ACYP2: variants seen among roughly 807,000 people sequenced by gnomAD.
ACYP2 encodes acylphosphatase-2.
ACYP2 carries 12 observed loss-of-function variants against 11.2 expected under a neutral mutation model. The observed-to-expected ratio is 1.08, with a 90% CI of 0.69 to 1.74. ACYP2 has a LOEUF of 1.74. Among genes scored for constraint, ACYP2 ranks in the 40% most tolerant of loss-of-function variants. The pLI is 0.00. For synonymous variants in ACYP2, 43 were observed against 32.2 expected, an observed-to-expected ratio of 1.33 and a Z score of -1.13; for missense variants, 134 against 101.9, an observed-to-expected ratio of 1.31 and a Z score of -1.35.
chr2:54,213,276 T>G (rs1006814391), intron 6 of ACYP2, among the ~76,000 whole-genome samples: 1 of 152,198 alleles, frequency 6.6e-6, no homozygotes, highest in African/African-American at 2.4e-5. Flanking sequence ...GATTTCACTC[T>G]TTTTTGTGGC....
intron 6 of ACYP2, among the ~76,000 whole-genome samples, chr2:54,239,159 C>G (rs1241586220): frequency 6.6e-6 from 1 of 152,060 alleles, no homozygotes; most frequent in Non-Finnish European, 1.5e-5. Flanking sequence ...AAAGTCTTGA[C>G]TCTGCTAATA....
intron 5 of ACYP2, 33 bp downstream of exon 2, chr2:54,135,502 T>G (rs1235085120): frequency 1.9e-6 from 3 of 1,594,324 alleles, no homozygotes; most frequent in Non-Finnish European, 2.6e-6. Context: ...ATTTTGCTAT[T>G]TTTTTTCCAC....
At position 53,975,897 on chromosome 2, in the gene ACYP2, T is replaced by G. The variant is rs557777721; in HGVS notation, c.62+2087T>G. Among the ~76,000 whole-genome samples the G allele has an allele frequency of 2.0e-5, 3 of 152,298 alleles. No homozygotes were observed. The South Asian group carries it at 6.2e-4, about 32-fold the overall frequency. On this transcript the variant is annotated intron_variant, in intron 2 of 6. Coordinates refer to ENST00000607452, the MANE Select transcript of ACYP2 (RefSeq NM_001320586.2). Reference sequence around the variant, plus strand: ...CCTGGAGGGAGACACTGACTTCTTATCAGACCCTCAAGGAAACAGACTATA... The same window carrying G: ...CCTGGAGGGAGACACTGACTTCTTAGCAGACCCTCAAGGAAACAGACTATA...
intron 6 of ACYP2, among the ~76,000 whole-genome samples, chr2:54,192,961 G>A (rs993459658): frequency 1.4e-4 from 21 of 152,320 alleles, no homozygotes; most frequent in Middle Eastern, 3.4e-3. Flanking sequence ...TACCCTTGAC[G>A]TGGGGATTAT....
chr2:54,096,700 G>A (rs1337131604), intron 4 of ACYP2, among the ~76,000 whole-genome samples: 3 of 152,184 alleles, frequency 2.0e-5, no homozygotes, highest in African/African-American at 7.2e-5. Context: ...AGGTGTGGCG[G>A]CGCGCGCCTG....
At chr2:54,024,602 C>A (rs1345783781) in intron 2 of ACYP2, among the ~76,000 whole-genome samples, 1 of 152,124 alleles carries the variant, frequency 6.6e-6, no homozygotes, top group African/African-American at 2.4e-5. Context: ...GTAATAAAAG[C>A]CATATATGAC....
chr2:54,006,980 C>T (rs1673097007), intron 2 of ACYP2, among the ~76,000 whole-genome samples: 1 of 151,374 alleles, frequency 6.6e-6, no homozygotes, highest in Non-Finnish European at 1.5e-5. Context: ...CAAAAATTAG[C>T]CAGGCTTGGT....
intron 6 of ACYP2, among the ~76,000 whole-genome samples, chr2:54,303,365 C>CA (rs990728112): frequency 1.8e-4 from 27 of 150,526 alleles, no homozygotes; most frequent in Non-Finnish European, 2.8e-4. Flanking sequence ...CTCCCCCCTC[C>CA]AAAAAAAAAG....
intron 6 of ACYP2, chr2:54,253,217 T>G (rs940955032): frequency 3.3e-5 from 5 of 152,206 alleles, no homozygotes; most frequent in Admixed American, 6.5e-5. Context: ...ATGAACACAA[T>G]AGTTTCCAGT....
chr2:54,165,531 TCTCTCACACACACACACA>T (rs1682923419), intron 6 of ACYP2, among the ~76,000 whole-genome samples: 1 of 119,566 alleles, frequency 8.4e-6, no homozygotes, highest in African/African-American at 2.8e-5. Flanking sequence ...TCTCTCTCTC[TCTCTCACACACACACACA>T]CACACACACA....
chr2:54,203,362 T>G (rs1684935412), intron 6 of ACYP2, among the ~76,000 whole-genome samples: 1 of 152,240 alleles, frequency 6.6e-6, no homozygotes, highest in African/African-American at 2.4e-5. Flanking sequence ...AACAGGTTTT[T>G]GGTGGAGTCC....
At chr2:54,049,291 A>G (rs542647024) in intron 2 of ACYP2, among the ~76,000 whole-genome samples, 8 of 152,130 alleles carry the variant, frequency 5.3e-5, no homozygotes, top group Non-Finnish European at 7.4e-5. Context: ...TGAACTGACT[A>G]GTGCCACCCT....
chr2:54,255,012 G>C, intron 6 of ACYP2: 3 of 1,614,116 alleles, frequency 1.9e-6, no homozygotes, highest in Non-Finnish European at 2.5e-6. Flanking sequence ...CCAACAGGTA[G>C]TACTGCAGTG....
At chr2:54,002,677 G>A (rs1280687194) in intron 2 of ACYP2, among the ~76,000 whole-genome samples, 2 of 143,596 alleles carry the variant, frequency 1.4e-5, no homozygotes, top group Non-Finnish European at 3.0e-5. Context: ...TTGAGACGGA[G>A]TTTCGCTCTT....
chr2:54,246,497 G>T (rs576087635), intron 6 of ACYP2, among the ~76,000 whole-genome samples: 93 of 151,996 alleles, frequency 6.1e-4, no homozygotes, highest in African/African-American at 2.1e-3. Context: ...TGTTGCTATT[G>T]TAGATAGTCT....
At chr2:54,184,223 G>T (rs1024914772) in intron 6 of ACYP2, among the ~76,000 whole-genome samples, 1 of 152,034 alleles carries the variant, frequency 6.6e-6, no homozygotes, top group Non-Finnish European at 1.5e-5. Context: ...AGAACTCAGG[G>T]CCAGACATAC....
intron 6 of ACYP2, among the ~76,000 whole-genome samples, chr2:54,175,248 T>G (rs2103857201): frequency 6.6e-6 from 1 of 152,270 alleles, no homozygotes; most frequent in East Asian, 1.9e-4. Context: ...ATCTTCCTGG[T>G]TTAGTCTTGG....
chr2:54,208,055 GT>G (rs1685156350), intron 6 of ACYP2, among the ~76,000 whole-genome samples: 3 of 152,114 alleles, frequency 2.0e-5, no homozygotes, highest in Non-Finnish European at 4.4e-5. Context: ...TGGTCTGCAT[GT>G]GATTTGCTGT....
At chr2:54,143,477 A>C (rs1460637253) in intron 6 of ACYP2, among the ~76,000 whole-genome samples, 1 of 152,130 alleles carries the variant, frequency 6.6e-6, no homozygotes, top group Non-Finnish European at 1.5e-5. Context: ...TTTGTTGCCC[A>C]CGCTGGAGTG....
Sources: gnomAD v4.1 joint callset for allele counts (sites outside exome capture counted in the v4.1 genomes callset) on GRCh38, gnomAD v4.1.1 for gene constraint, MANE v1.5 for transcripts, NCBI Gene and HGNC (gene_info 2026-07-23, HGNC 2026-07-21) for gene names.